Variants in FBXO8 observed in about 807,000 individuals in gnomAD.
FBXO8 encodes F-box protein 8.
Under a neutral mutation model 33.4 loss-of-function variants are expected in FBXO8, and 15 were observed. The ratio of observed to expected loss-of-function variants is 0.45; its 90% confidence interval spans 0.30 to 0.69. The LOEUF (loss-of-function observed/expected upper bound fraction) is 0.69, where lower values mean the gene tolerates loss of function less well. FBXO8 is among the 30% of genes least tolerant of loss of function. The pLI is 0.08. For synonymous variants in FBXO8, 132 were observed against 131.5 expected, an observed-to-expected ratio of 1.00 and a Z score of -0.02; for missense variants, 274 against 380.3, an observed-to-expected ratio of 0.72 and a Z score of 2.32.
At chr4:174,246,835 C>G (rs1261220918) in intron 3 of FBXO8, among the ~76,000 whole-genome samples, 1 of 151,936 alleles carries the variant, frequency 6.6e-6, no homozygotes. Context: ...AAACAAAGAA[C>G]ATGTTGGTTT....
chr4:174,269,678 CAAAA>C (rs34352151), intron 1 of FBXO8, among the ~76,000 whole-genome samples: 1 of 117,094 alleles, frequency 8.5e-6, no homozygotes. Flanking sequence ...AGACTCGTCT[CAAAA>C]AAAAAAAAAA....
intron 3 of FBXO8, among the ~76,000 whole-genome samples, chr4:174,244,896 T>A (rs970229754): frequency 6.6e-5 from 10 of 151,902 alleles, no homozygotes; most frequent in South Asian, 2.1e-4. Context: ...TTGATTTTTT[T>A]AAAAAAGTAT....
At chr4:174,264,268 C>T (rs1199423157) in intron 1 of FBXO8, among the ~76,000 whole-genome samples, 4 of 151,900 alleles carry the variant, frequency 2.6e-5, no homozygotes, top group African/African-American at 4.8e-5. Flanking sequence ...AGACAAAAAA[C>T]AAACCAACAA....
At chr4:174,279,979 GA>G (rs1384822270) in intron 1 of FBXO8, among the ~76,000 whole-genome samples, 1 of 151,616 alleles carries the variant, frequency 6.6e-6, no homozygotes, top group Non-Finnish European at 1.5e-5. Flanking sequence ...AACAAAAGAG[GA>G]AACAGACCAA....
chr4:174,239,501 C>T (rs1229824991), intron 4 of FBXO8, among the ~76,000 whole-genome samples: 1 of 151,768 alleles, frequency 6.6e-6, no homozygotes, highest in Non-Finnish European at 1.5e-5. Context: ...TTTTAAGTGC[C>T]TTCTTGGCCA....
rs547684203 is a variant in FBXO8 at position 174,278,411 on chromosome 4, T to A, written c.-9+4999A>T. Among the ~76,000 whole-genome samples, 21 of 152,220 alleles carry A rather than the reference T, an allele frequency of 1.4e-4. No individual in the cohort carries two copies. Among genetic ancestry groups the A allele is most frequent in the African/African-American group, 4.6e-4 (19 of 41,564 alleles). ...TGTTAATTTTATTCTATAAAAAGTGTTACCAAAATGGCAACTAAATAAATG... is the reference window on the plus strand; with the variant it reads ...TGTTAATTTTATTCTATAAAAAGTGATACCAAAATGGCAACTAAATAAATG... On this transcript the variant is annotated intron_variant, in intron 1 of 5. Transcript: ENST00000393674. The surrounding 1 kb of genome is among the most constrained non-coding windows in gnomAD (Gnocchi z 4.1).
Position 174,283,626 on chromosome 4 carries a change from C to A in FBXO8, c.-225G>T, listed in dbSNP as rs1230922771. The A allele has an allele frequency of 8.5e-6, 3 of 351,934 alleles. No individual in the cohort carries two copies. The highest frequency in any genetic ancestry group is 4.2e-5 in the African/African-American group (2 of 47,660). The allele number at this position is 351,934 out of a possible 1,614,324, so 21.8% of individuals were successfully genotyped here. A position where few individuals can be genotyped will look rare whatever the true frequency, so the allele number is the denominator to read the frequency against. On this transcript the variant is annotated 5_prime_UTR_variant, in exon 1 of 6. Coordinates refer to ENST00000393674, the MANE Select transcript of FBXO8 (RefSeq NM_012180.3). This position sits in a 1 kb window ranked among gnomAD's most constrained non-coding sequence, Gnocchi z 6.7. ...CTCAGGGTACCTCCAGCTGCAGGGG[C>A]CAGAACTGCCGACTATCCCAATTTT...
chr4:174,238,732 T>A (rs980113343), intron 5 of FBXO8, among the ~76,000 whole-genome samples: 2 of 145,666 alleles, frequency 1.4e-5, no homozygotes, highest in Non-Finnish European at 3.0e-5. Flanking sequence ...ATATAAAAAA[T>A]ATAAATGGCT....
intron 1 of FBXO8, among the ~76,000 whole-genome samples, chr4:174,276,212 A>T (rs955925793): frequency 1.3e-5 from 2 of 152,162 alleles, no homozygotes; most frequent in Non-Finnish European, 2.9e-5. Context: ...CTTTTATTAC[A>T]TATTGACCAA....
chr4:174,258,966 G>A (rs1474695082), intron 3 of FBXO8, among the ~76,000 whole-genome samples: 2 of 151,838 alleles, frequency 1.3e-5, no homozygotes, highest in African/African-American at 4.8e-5. Context: ...AAAAAATAAT[G>A]CACCCAAAAG....
chr4:174,240,897 C>T (rs1736020033), intron 4 of FBXO8, among the ~76,000 whole-genome samples: 2 of 151,576 alleles, frequency 1.3e-5, no homozygotes, highest in Admixed American at 1.3e-4. Context: ...TGGACTTTTA[C>T]TTACTTTTAA....
chr4:174,243,977 T>C (rs899316530), intron 3 of FBXO8, among the ~76,000 whole-genome samples: 3 of 151,542 alleles, frequency 2.0e-5, no homozygotes, highest in African/African-American at 7.3e-5. Context: ...CGTTGAAGGC[T>C]GTAGAATTCA....
intron 1 of FBXO8, among the ~76,000 whole-genome samples, chr4:174,276,156 T>C (rs1023101452): frequency 6.6e-6 from 1 of 152,236 alleles, no homozygotes; most frequent in Non-Finnish European, 1.5e-5. Context: ...TATTCTTATA[T>C]GCCCTTGTTT....
rs142022147 is a variant in FBXO8 at position 174,247,156 on chromosome 4, A to T, written c.457-5938T>A. 3.5e-3 allele frequency among the ~76,000 whole-genome samples: 537 copies of T among 152,192 alleles called. 2 individuals carry two copies. Among genetic ancestry groups the T allele is most frequent in the Middle Eastern group, 0.014 (4 of 294 alleles). On this transcript the variant is annotated intron_variant, in intron 3 of 5. Coordinates refer to ENST00000393674, the MANE Select transcript of FBXO8 (RefSeq NM_012180.3). This position sits in a 1 kb window ranked among gnomAD's most constrained non-coding sequence, Gnocchi z 4.6. ...CAAAGCCAAATGAAAAAGTACTGAT[A>T]ATTGGTACTGAAAGTACTGTCTACT...
rs1480368277 is a variant in FBXO8, at chr4:174,263,712, C to T, written c.-8-612G>A. ...AACTCCATGATAAATAGCTCGGTAACAGTAGACTATTTAGTTTTGTTGTTG... is the reference window on the plus strand; with the variant it reads ...AACTCCATGATAAATAGCTCGGTAATAGTAGACTATTTAGTTTTGTTGTTG... On this transcript the variant is annotated intron_variant, in intron 1 of 5. Transcript: ENST00000393674. The surrounding 1 kb of genome is among the most constrained non-coding windows in gnomAD (Gnocchi z 4.2). Among the ~76,000 whole-genome samples the T allele has an allele frequency of 6.6e-6, 1 of 152,146 alleles. No individual in the cohort carries two copies.
At position 174,259,160 on chromosome 4, in the gene FBXO8, T is replaced by A. The variant is rs1217020351; in HGVS notation, c.456+539A>T. ...GCTTACATGTTATGTTAAGAAAGAA[T>A]TAAATAATTAATACAAAATTATTCA... On this transcript the variant is annotated intron_variant, in intron 3 of 5. Coordinates refer to ENST00000393674, the MANE Select transcript of FBXO8 (RefSeq NM_012180.3). This position sits in a 1 kb window ranked among gnomAD's most constrained non-coding sequence, Gnocchi z 4.3. Among the ~76,000 whole-genome samples, 1 of 151,938 alleles carries A rather than the reference T, an allele frequency of 6.6e-6. No homozygotes were observed. The highest frequency in any genetic ancestry group is 1.5e-5 in the Non-Finnish European group (1 of 67,880).
chr4:174,260,516 C>A (rs1467454305), intron 2 of FBXO8, among the ~76,000 whole-genome samples: 1 of 151,972 alleles, frequency 6.6e-6, no homozygotes, highest in African/African-American at 2.4e-5. Context: ...TGATGTTCAA[C>A]ATAGCTGTTT....
chr4:174,252,078 C>A lies in FBXO8; in HGVS notation c.456+7621G>T, dbSNP rs1454672842. On this transcript the variant is annotated intron_variant, in intron 3 of 5. Coordinates refer to ENST00000393674, the MANE Select transcript of FBXO8 (RefSeq NM_012180.3). This position sits in a 1 kb window ranked among gnomAD's most constrained non-coding sequence, Gnocchi z 5.1. ...CAACTTCCTGGACTCAAGTGATCCT[C>A]CCACCTCAGCCCCCTAAGTAGCTGC... Among the ~76,000 whole-genome samples the A allele has an allele frequency of 6.6e-6, 1 of 152,106 alleles. No individual in the cohort carries two copies. The highest frequency in any genetic ancestry group is 1.5e-5 in the Non-Finnish European group (1 of 68,008).
chr4:174,238,493 G>A (rs1433334314), intron 5 of FBXO8, among the ~76,000 whole-genome samples: 1 of 151,470 alleles, frequency 6.6e-6, no homozygotes, highest in African/African-American at 2.4e-5. Context: ...GAAACAATAT[G>A]TAGAAGATTC....
Sources: allele counts gnomAD v4.1 joint callset (sites outside exome capture counted in the v4.1 genomes callset), GRCh38; gene constraint gnomAD v4.1.1; non-coding constraint Gnocchi (gnomAD v3.1); transcripts MANE v1.5; gene names NCBI Gene and HGNC (gene_info 2026-07-23, HGNC 2026-07-21).